Variants in HLX observed in about 807,000 individuals in gnomAD.
HLX encodes the protein H2.0-like homeobox protein.
Under a neutral mutation model 27.7 loss-of-function variants are expected in HLX, and 6 were observed. The observed-to-expected ratio is 0.22, with a 90% CI of 0.12 to 0.43. The LOEUF is 0.43. Ranked by LOEUF, HLX falls within the 20% of genes least tolerant of loss-of-function variation. The probability of loss-of-function intolerance (pLI) is 1.00; values close to 1 mark genes in which losing one functional copy is unlikely to be tolerated. For missense variants in HLX, 666 were observed against 655.2 expected (o/e 1.02, Z -0.18); for synonymous variants, 328 against 293.8 (o/e 1.12, Z -1.19).
rs888069088 is a variant in HLX at position 220,879,651 on chromosome 1, G to C, written c.-207G>C. On this transcript the variant is annotated 5_prime_UTR_variant, in exon 1 of 4. Coordinates refer to ENST00000366903, the MANE Select transcript of HLX (RefSeq NM_021958.4). ...CGCCTTTAAAGCGAGGCCAGGGAGC[G>C]AGGCGGTGACCGGCCGAGATCCGGC... The C allele has an allele frequency of 3.9e-6, 3 of 766,226 alleles. No individual in the cohort carries two copies. In the African/African-American group the frequency reaches 5.6e-5, roughly 14 times the overall value. The allele number at this position is 766,226 out of a possible 1,614,324, so 47.5% of individuals were successfully genotyped here.
rs1464200111 is a variant in HLX, at chr1:220,880,012, C to A, written c.155C>A (p.Ala52Asp). The A allele has an allele frequency of 1.3e-6, 2 of 1,595,656 alleles. No homozygotes were observed. Among genetic ancestry groups the A allele is most frequent in the Non-Finnish European group, 1.7e-6 (2 of 1,177,452 alleles). ...TTCTGCATCGCAGACATTCTGCACGCCGGCGTGGGGGATCTGGGGGCGGCC... is the reference window on the plus strand; with the variant it reads ...TTCTGCATCGCAGACATTCTGCACGACGGCGTGGGGGATCTGGGGGCGGCC... ...PSFCIADILH[A>D]GVGDLGAAPE... The change falls in exon 1 of 4, where the codon GCC becomes GAC. Residue 52 changes from alanine (A) to aspartate (D), a missense_variant. Physicochemically the swap from Ala to Asp is moderately radical, Grantham distance 126 (BLOSUM62 -2). Coordinates refer to ENST00000366903, the MANE Select transcript of HLX (RefSeq NM_021958.4).
chr1:220,883,284 T>TACACACACAC (rs3138532), intron 3 of HLX: 4 of 140,944 alleles, frequency 2.8e-5, no homozygotes, highest in Admixed American at 7.0e-5. Flanking sequence ...TTCTCCCCAG[T>TACACACACAC]ACACACACAC....
Position 220,884,523 on chromosome 1 carries a change from G to A in HLX, c.1286G>A (p.Gly429Asp), listed in dbSNP as rs760801509. Residue 429 changes from glycine to aspartate, a missense_variant, in exon 4 of 4, where the codon GGC becomes GAC. Gly to Asp is a moderately conservative substitution (Grantham distance 94). Transcript: ENST00000366903. This position sits in a 1 kb window ranked among gnomAD's most constrained non-coding sequence, Gnocchi z 4.9. ...SSAGSGGSSG[G>D]GGNSFSFSSA... Reference sequence around the variant, plus strand: ...GCTGGGAGTGGTGGGAGCAGCGGCGGCGGCGGCAATAGTTTCAGCTTCAGC... The same window carrying A: ...GCTGGGAGTGGTGGGAGCAGCGGCGACGGCGGCAATAGTTTCAGCTTCAGC... The A allele has an allele frequency of 6.2e-7, 1 of 1,612,116 alleles. No individual in the cohort carries two copies. The highest frequency in any genetic ancestry group is 8.5e-7 in the Non-Finnish European group (1 of 1,179,178).
At chr1:220,881,976 G>A in intron 2 of HLX, 188 bp from the exon 3 acceptor site, 2 of 691,388 alleles carry the variant, frequency 2.9e-6, no homozygotes, top group Non-Finnish European at 5.3e-6. Context: ...TCTTCCGACT[G>A]TCGTGTAAAA....
At chr1:220,880,991 T>A in intron 1 of HLX, 1 of 613,278 alleles carries the variant, frequency 1.6e-6, no homozygotes, top group Non-Finnish European at 3.0e-6. Context: ...TACATGCATA[T>A]GGACGTGAGG....
Position 220,880,347 on chromosome 1 carries a change from G to A in HLX, c.490G>A (p.Gly164Ser), listed in dbSNP as rs1214004109. The change falls in exon 1 of 4, where the codon GGC (glycine) becomes AGC (serine). Residue 164 changes from glycine to serine, a missense_variant. Coordinates refer to ENST00000366903, the MANE Select transcript of HLX (RefSeq NM_021958.4). ...TRVVPNPHHS[G>S]SAPAPSSKDL... is the part of the protein sequence containing the mutation. ...AGTGGTTCCGAACCCCCACCACAGT[G>A]GCTCTGCCCCGGCCCCCTCCAGCAA... 3.4e-5 allele frequency: 55 copies of A among 1,614,024 alleles called. No homozygotes were observed. Among genetic ancestry groups the A allele is most frequent in the Non-Finnish European group, 4.6e-5 (54 of 1,179,988 alleles).
intron 1 of HLX, 151 bp from the exon 2 acceptor site, chr1:220,881,043 T>C (rs571740641): frequency 1.7e-5 from 12 of 717,452 alleles, no homozygotes; most frequent in Non-Finnish European, 2.9e-5. Context: ...TGGCAACTGT[T>C]GGGAGAGAGA....
rs1287698353 is a variant in HLX, at chr1:220,884,267, G to T, written c.1030G>T (p.Asp344Tyr). ...SKEAQAQKDK[D>Y]KEAGEKPSGG... Reference sequence around the variant, plus strand: ...GGAGGCCCAGGCCCAAAAGGACAAGGACAAGGAGGCTGGCGAGAAGCCATC... The same window carrying T: ...GGAGGCCCAGGCCCAAAAGGACAAGTACAAGGAGGCTGGCGAGAAGCCATC... The change falls in exon 4 of 4, where the codon GAC becomes TAC. Residue 344 changes from aspartate (D) to tyrosine (Y), a missense_variant. Physicochemically the swap from Asp to Tyr is radical, Grantham distance 160. Transcript: ENST00000366903. This position sits in a 1 kb window ranked among gnomAD's most constrained non-coding sequence, Gnocchi z 4.9. 1.2e-6 allele frequency: 2 copies of T among 1,613,956 alleles called. No homozygotes were observed. The highest frequency in any genetic ancestry group is 2.7e-5 in the African/African-American group (2 of 74,920).
In HLX at chr1:220,881,290, T is replaced by C; in HGVS notation, c.689T>C (p.Ile230Thr). The C allele has an allele frequency of 6.2e-7, 1 of 1,614,120 alleles. No individual in the cohort carries two copies. Among genetic ancestry groups the C allele is most frequent in the Non-Finnish European group, 8.5e-7 (1 of 1,179,942 alleles). Reference protein sequence around the residue: ...AGQFFASLDPINEASAILSPL... With the variant: ...AGQFFASLDPTNEASAILSPL... The stretch of plus-strand genomic sequence containing the variant: ...CAGTTCTTCGCATCTCTAGATCCCA[T>C]TAACGAGGCTTCTGCAATCCTGAGT... The change falls in exon 2 of 4, where the codon ATT becomes ACT. Residue 230 changes from isoleucine (I) to threonine (T), a missense_variant. Coordinates refer to ENST00000366903, the MANE Select transcript of HLX (RefSeq NM_021958.4).
Position 220,880,079 on chromosome 1 carries a change from G to T in HLX, c.222G>T (p.Ala74=). Residue 74 remains alanine, a synonymous_variant, in exon 1 of 4, where the codon GCG becomes GCT. Coordinates refer to ENST00000366903, the MANE Select transcript of HLX (RefSeq NM_021958.4). ...LAGASAAALT[A]HLGSVHPHAS... ...GGGCCTCGGCCGCCGCCCTCACCGC[G>T]CACTTGGGCTCGGTTCACCCGCACG... The T allele has an allele frequency of 1.3e-6, 2 of 1,592,286 alleles. No individual in the cohort carries two copies.
At chr1:220,881,766 ACACACACACAC>A in intron 2 of HLX, 1 of 29,170 alleles carries the variant, frequency 3.4e-5, no homozygotes, top group Non-Finnish European at 7.8e-5. Flanking sequence ...GGGAATAAAC[ACACACACACAC>A]ACACACACAC....
In HLX at chr1:220,880,455, T is replaced by C. The variant is rs1311070698; in HGVS notation, c.592+6T>C. 1 of 1,613,184 alleles carries C rather than the reference T, an allele frequency of 6.2e-7. No individual in the cohort carries two copies. Among genetic ancestry groups the C allele is most frequent in the Admixed American group, 1.7e-5 (1 of 60,008 alleles). On this transcript the variant is annotated splice_donor_region_variant and intron_variant, in intron 1 of 3. Transcript: ENST00000366903. ...AGAAGGCAACACGCTGAGAGGTAGG[T>C]CTTGGGCGGGAGGCTGCAGGCCTCT...
chr1:220,880,045 G>T lies in HLX; in HGVS notation c.188G>T (p.Gly63Val). 2 of 1,591,036 alleles carry T rather than the reference G, an allele frequency of 1.3e-6. No individual in the cohort carries two copies. Among genetic ancestry groups the T allele is most frequent in the Non-Finnish European group, 1.7e-6 (2 of 1,173,960 alleles). ...GGGGATCTGGGGGCGGCCCCGGAGGGCCTGGCAGGGGCCTCGGCCGCCGCC... is the reference window on the plus strand; with the variant it reads ...GGGGATCTGGGGGCGGCCCCGGAGGTCCTGGCAGGGGCCTCGGCCGCCGCC... Reference protein sequence around the residue: ...GVGDLGAAPEGLAGASAAALT... With the variant: ...GVGDLGAAPEVLAGASAAALT... Residue 63 changes from glycine to valine, a missense_variant, in exon 1 of 4, where the codon GGC becomes GTC. Coordinates refer to ENST00000366903, the MANE Select transcript of HLX (RefSeq NM_021958.4).
chr1:220,880,341 C>G lies in HLX; in HGVS notation c.484C>G (p.His162Asp), dbSNP rs761816915. ...GACGCGAGTGGTTCCGAACCCCCAC[C>G]ACAGTGGCTCTGCCCCGGCCCCCTC... ...SGTRVVPNPH[H>D]SGSAPAPSSK... is the part of the protein sequence containing the mutation. Residue 162 changes from histidine (H) to aspartate (D), a missense_variant, in exon 1 of 4, where the codon CAC becomes GAC. Transcript: ENST00000366903. 2 of 1,614,032 alleles carry G rather than the reference C, an allele frequency of 1.2e-6. No homozygotes were observed. The highest frequency in any genetic ancestry group is 2.2e-5 in the South Asian group (2 of 91,074).
chr1:220,884,739 T>C lies in HLX; in HGVS notation c.*35T>C. The C allele has an allele frequency of 6.3e-7, 1 of 1,598,422 alleles. No homozygotes were observed. The highest frequency in any genetic ancestry group is 8.5e-7 in the Non-Finnish European group (1 of 1,177,464). On this transcript the variant is annotated 3_prime_UTR_variant, in exon 4 of 4. Transcript: ENST00000366903. This position sits in a 1 kb window ranked among gnomAD's most constrained non-coding sequence, Gnocchi z 4.9. ...GGGCGGAGGGGATCCGGGCCTTGCG[T>C]GCAGCCTCCCAACCATGGGCTGGGT... is the stretch of plus-strand genomic sequence containing the variant.
In HLX at chr1:220,880,391, T is replaced by C. The variant is rs149312492; in HGVS notation, c.534T>C (p.Ile178=). The C allele has an allele frequency of 1.3e-4, 207 of 1,614,110 alleles. No homozygotes were observed. Among genetic ancestry groups the C allele is most frequent in the Admixed American group, 3.3e-4 (20 of 60,026 alleles). Residue 178 remains isoleucine, a synonymous_variant, in exon 1 of 4, where the codon ATT becomes ATC. Coordinates refer to ENST00000366903, the MANE Select transcript of HLX (RefSeq NM_021958.4). ...APSSKDLKFG[I]DRILSAEFDP... is the part of the protein sequence containing the mutation. Reference sequence around the variant, plus strand: ...CCAGCAAAGACCTCAAATTTGGAATTGACCGCATTTTATCTGCAGAATTTG... The same window carrying C: ...CCAGCAAAGACCTCAAATTTGGAATCGACCGCATTTTATCTGCAGAATTTG...
At chr1:220,881,455 C>T (rs1674435603) in intron 2 of HLX, 82 bp downstream of exon 2, 4 of 1,185,208 alleles carry the variant, frequency 3.4e-6, no homozygotes, top group Admixed American at 1.7e-5. Flanking sequence ...TCCAGGGCTG[C>T]CACGGTGTCG....
chr1:220,882,482 T>A, intron 3 of HLX, 134 bp downstream of exon 3: 1 of 762,484 alleles, frequency 1.3e-6, no homozygotes, highest in Non-Finnish European at 2.2e-6. Context: ...TTCAAGAGGC[T>A]TTGTGGACTA....
intron 3 of HLX, 71 bp downstream of exon 3, chr1:220,882,419 C>G: frequency 7.0e-7 from 1 of 1,426,114 alleles, no homozygotes; most frequent in Non-Finnish European, 9.8e-7. Flanking sequence ...TCTGGTAGGT[C>G]CCCTCCATCC....
Sources: allele counts gnomAD v4.1 joint callset, GRCh38; gene constraint gnomAD v4.1.1; non-coding constraint Gnocchi (gnomAD v3.1); transcripts MANE v1.5; gene names NCBI Gene and HGNC (gene_info 2026-07-23, HGNC 2026-07-21).